Variants in COL26A1 observed in about 807,000 individuals in gnomAD.
The protein encoded by COL26A1 is collagen type XXVI alpha 1 chain.
A neutral mutation model predicts 59.3 loss-of-function variants in COL26A1; 41 were observed. The observed-to-expected ratio is 0.69, with a 90% CI of 0.54 to 0.90. The LOEUF (loss-of-function observed/expected upper bound fraction) is 0.90, where lower values mean the gene tolerates loss of function less well. Among genes scored for constraint, COL26A1 ranks in the 40% least tolerant of loss-of-function variants. The pLI is 0.00. For synonymous variants in COL26A1, 266 were observed against 256.0 expected (o/e 1.04, Z -0.37); for missense variants, 612 against 602.3 (o/e 1.02, Z -0.17).
intron 3 of COL26A1, among the ~76,000 whole-genome samples, chr7:101,485,209 A>G (rs1207879663): frequency 6.6e-6 from 1 of 152,160 alleles, no homozygotes; most frequent in Non-Finnish European, 1.5e-5. Context: ...AGAAGCATAC[A>G]TGGAGGAAGG....
At position 101,449,245 on chromosome 7, in the gene COL26A1, C is replaced by T. The variant is rs546807541; in HGVS notation, c.385+1458C>T. Among the ~76,000 whole-genome samples the T allele has an allele frequency of 1.4e-4, 22 of 152,258 alleles. 1 individual carries two copies. The South Asian group carries it at 2.7e-3, about 19-fold the overall frequency. On this transcript the variant is annotated intron_variant, in intron 3 of 12. Transcript: ENST00000313669. ...CCTGGCATAATGCTATGGTGTTGAA[C>T]GACCACAGCTCACAGGTCCCTCATG...
At chr7:101,489,687 TTC>T (rs879466516) in intron 3 of COL26A1, among the ~76,000 whole-genome samples, 1,025 of 16,034 alleles carry the variant, frequency 0.064, 94 homozygotes, top group African/African-American at 0.12. Context: ...CTTCCTTTCT[TTC>T]TTTCTTTCTG....
At chr7:101,483,318 C>T (rs1412227130) in intron 3 of COL26A1, among the ~76,000 whole-genome samples, 6 of 151,548 alleles carry the variant, frequency 4.0e-5, no homozygotes, top group African/African-American at 1.5e-4. Context: ...CTGCCTCAGT[C>T]GCCCAAGTAG....
intron 2 of COL26A1, among the ~76,000 whole-genome samples, chr7:101,432,694 C>A (rs1172726962): frequency 6.6e-6 from 1 of 152,030 alleles, no homozygotes; most frequent in African/African-American, 2.4e-5. Context: ...GTAAAAAGTG[C>A]ATTCTTTTTT....
At chr7:101,393,644 A>G in intron 1 of COL26A1, among the ~76,000 whole-genome samples, 1 of 152,172 alleles carries the variant, frequency 6.6e-6, no homozygotes, top group Non-Finnish European at 1.5e-5. Context: ...ACAGGGTTTC[A>G]TCATGTTGGC....
intron 2 of COL26A1, among the ~76,000 whole-genome samples, chr7:101,439,338 A>AGG (rs1792991350): frequency 0.014 from 1 of 70 alleles, no homozygotes; most frequent in Admixed American, 0.071. Context: ...AAAGAGAGAG[A>AGG]GACAAGAAAG....
intron 3 of COL26A1, among the ~76,000 whole-genome samples, chr7:101,496,049 C>T (rs1206943720): frequency 3.9e-5 from 6 of 152,038 alleles, no homozygotes; most frequent in Admixed American, 6.6e-5. Context: ...ACACTGCACT[C>T]CAGCCTAGGC....
chr7:101,404,422 C>T (rs1792080645), intron 1 of COL26A1, among the ~76,000 whole-genome samples: 1 of 151,990 alleles, frequency 6.6e-6, no homozygotes, highest in Admixed American at 6.6e-5. Context: ...GTCCTGGTTG[C>T]ACCATTTACC....
chr7:101,474,525 G>T (rs1174996436), intron 3 of COL26A1, among the ~76,000 whole-genome samples: 1 of 152,130 alleles, frequency 6.6e-6, no homozygotes, highest in African/African-American at 2.4e-5. Context: ...CCAGAAGTTT[G>T]AAGCTGCATT....
intron 2 of COL26A1, among the ~76,000 whole-genome samples, chr7:101,437,482 G>T (rs915342587): frequency 1.3e-5 from 2 of 152,004 alleles, no homozygotes; most frequent in Non-Finnish European, 2.9e-5. Flanking sequence ...GGAGGAGCTG[G>T]TGGCCAAGGA....
At chr7:101,426,076 C>T (rs1792640792) in intron 2 of COL26A1, among the ~76,000 whole-genome samples, 1 of 152,106 alleles carries the variant, frequency 6.6e-6, no homozygotes, top group African/African-American at 2.4e-5. Flanking sequence ...ATCCACCCAT[C>T]AGCCTCTCAA....
chr7:101,525,171 CTTTTTTTTTTTTTTTT>C (rs34881584), intron 3 of COL26A1, among the ~76,000 whole-genome samples: 81 of 73,910 alleles, frequency 1.1e-3, no homozygotes, highest in African/African-American at 4.6e-3. Flanking sequence ...TGACTTCATT[CTTTTTTTTTTTTTTTT>C]TTTTTTTTTT....
At chr7:101,533,995 T>C (rs1379431712) in intron 4 of COL26A1, among the ~76,000 whole-genome samples, 1 of 152,198 alleles carries the variant, frequency 6.6e-6, no homozygotes, top group African/African-American at 2.4e-5. Context: ...TCTGCCCCGA[T>C]GGGGACAAGC....
At chr7:101,386,217 G>T (rs1161120140) in intron 1 of COL26A1, among the ~76,000 whole-genome samples, 1 of 149,588 alleles carries the variant, frequency 6.7e-6, no homozygotes, top group Non-Finnish European at 1.5e-5. Flanking sequence ...CCTGCCGAGT[G>T]TCTGCCCTGA....
At position 101,447,972 on chromosome 7, in the gene COL26A1, G is replaced by A. The variant is rs146964726; in HGVS notation, c.385+185G>A. On this transcript the variant is annotated intron_variant, in intron 3 of 12. Coordinates refer to ENST00000313669, the MANE Select transcript of COL26A1 (RefSeq NM_001278563.3). Reference sequence around the variant, plus strand: ...TGGCCAAACCAGGATGAAGCTGCCCGCCCTGCCCGTGGGCACCGAGGCAGG... The same window carrying A: ...TGGCCAAACCAGGATGAAGCTGCCCACCCTGCCCGTGGGCACCGAGGCAGG... Among the ~76,000 whole-genome samples, 354 of 152,344 alleles carry A rather than the reference G, an allele frequency of 2.3e-3. 1 individual carries two copies. Among genetic ancestry groups the A allele is most frequent in the African/African-American group, 8.3e-3 (345 of 41,588 alleles).
At chr7:101,369,205 G>A (rs777500617) in intron 1 of COL26A1, among the ~76,000 whole-genome samples, 2 of 151,916 alleles carry the variant, frequency 1.3e-5, no homozygotes, top group African/African-American at 2.4e-5. Context: ...TCAGGAGTTC[G>A]AGACCAGCCT....
chr7:101,470,739 G>A (rs1793878642), intron 3 of COL26A1, among the ~76,000 whole-genome samples: 1 of 151,878 alleles, frequency 6.6e-6, no homozygotes, highest in Non-Finnish European at 1.5e-5. Flanking sequence ...TTTATATGGG[G>A]TCTCGTTACA....
rs1221266556 is a variant in COL26A1 at position 101,387,680 on chromosome 7, AAGAG to A, written c.158+24496_158+24499del. ...ATATAAATACATACATATATATATA[AAGAG>A]AGAGATTTTATATATATATTGTAAT... On this transcript the variant is annotated intron_variant, in intron 1 of 12. Coordinates refer to ENST00000313669, the MANE Select transcript of COL26A1 (RefSeq NM_001278563.3). 2.5e-4 allele frequency among the ~76,000 whole-genome samples: 34 copies of A among 135,608 alleles called. No homozygotes were observed. The Admixed American group carries it at 2.5e-3, about 10-fold the overall frequency. The allele number at this position is 135,608 out of a possible 152,430, so 89.0% of individuals were successfully genotyped here. A position where few individuals can be genotyped will look rare whatever the true frequency, so the allele number is the denominator to read the frequency against.
chr7:101,445,731 CAAAAAAAAAAAA>C (rs138245779), intron 2 of COL26A1, among the ~76,000 whole-genome samples: 4 of 38,444 alleles, frequency 1.0e-4, no homozygotes, highest in Non-Finnish European at 1.7e-4. Context: ...GACTCCGTCT[CAAAAAAAAAAAA>C]AAAAAAAAAA....
Sources: gnomAD v4.1 joint callset for allele counts (sites outside exome capture counted in the v4.1 genomes callset) on GRCh38, gnomAD v4.1.1 for gene constraint, MANE v1.5 for transcripts, NCBI Gene and HGNC (gene_info 2026-07-23, HGNC 2026-07-21) for gene names.